Variants in CNPY3 observed in about 807,000 individuals in gnomAD.
CNPY3 encodes protein canopy homolog 3.
CNPY3 carries 20 observed loss-of-function variants against 32.0 expected under a neutral mutation model. That is an observed-to-expected ratio of 0.63 (90% CI 0.44 to 0.91). The LOEUF is 0.91. Among genes scored for constraint, CNPY3 ranks in the 40% least tolerant of loss-of-function variants. The pLI is 0.00. For missense variants in CNPY3, 299 were observed against 340.8 expected (o/e 0.88, Z 0.97); for synonymous variants, 138 against 142.9 (o/e 0.97, Z 0.24).
At chr6:42,937,357 C>A (rs1161183809) in intron 3 of CNPY3, among the ~76,000 whole-genome samples, 2 of 152,068 alleles carry the variant, frequency 1.3e-5, no homozygotes, top group Non-Finnish European at 2.9e-5. Context: ...AATCTCAGCA[C>A]TTTGGGAGGC....
chr6:42,934,726 C>T, intron 2 of CNPY3, 128 bp downstream of exon 2: 1 of 1,255,560 alleles, frequency 8.0e-7, no homozygotes, highest in Non-Finnish European at 1.1e-6. Flanking sequence ...CCTGAGTTTG[C>T]CCACTGATTC....
rs1768164400 is a variant in CNPY3 at position 42,935,603 on chromosome 6, C to CCATTT, written c.306_310dup (p.Cys104SerfsTer43). 2 of 1,611,772 alleles carry CCATTT rather than the reference C, an allele frequency of 1.2e-6. No homozygotes were observed. Among genetic ancestry groups the CCATTT allele is most frequent in the Non-Finnish European group, 1.7e-6 (2 of 1,178,180 alleles). The stretch of plus-strand genomic sequence containing the variant: ...TTGCGGTTAATCGAAGTCACTGAGA[C>CCATTT]CATTTGCAAGAGGCTCCTGGATTAT... On this transcript the variant is annotated frameshift_variant, in exon 3 of 6. Coordinates refer to ENST00000372836, the MANE Select transcript of CNPY3 (RefSeq NM_006586.5). LOFTEE classifies it high-confidence loss of function.
At position 42,934,419 on chromosome 6, in the gene CNPY3, TGGCCTCCCA is replaced by T. The variant is rs553908449; in HGVS notation, c.152-55_152-47del. ...CACCTGGATCTGTTTTGCTGGGAGCTGGCCTCCCATTAGACTCATGTGCACTCAGTGGGC... is the reference window on the plus strand; with the variant it reads ...CACCTGGATCTGTTTTGCTGGGAGCTTTAGACTCATGTGCACTCAGTGGGC... On this transcript the variant is annotated intron_variant, in intron 1 of 5. Coordinates refer to ENST00000372836, the MANE Select transcript of CNPY3 (RefSeq NM_006586.5). 81 of 1,604,752 alleles carry T rather than the reference TGGCCTCCCA, an allele frequency of 5.0e-5. No individual in the cohort carries two copies. In the East Asian group the frequency reaches 1.8e-3, roughly 35 times the overall value.
chr6:42,930,633 T>C (rs1767724611), intron 1 of CNPY3, among the ~76,000 whole-genome samples: 2 of 152,168 alleles, frequency 1.3e-5, no homozygotes, highest in African/African-American at 4.8e-5. Context: ...TCCTCAGACC[T>C]TACAGTCATG....
intron 1 of CNPY3, among the ~76,000 whole-genome samples, chr6:42,930,611 C>G (rs887459860): frequency 2.0e-5 from 3 of 152,194 alleles, no homozygotes; most frequent in Admixed American, 6.6e-5. Context: ...TCAACTCCGT[C>G]CCTTAGTTTT....
chr6:42,929,831 T>C, intron 1 of CNPY3, 110 bp downstream of exon 1: 1 of 1,287,528 alleles, frequency 7.8e-7, no homozygotes, highest in Admixed American at 2.8e-5. Context: ...GCAGGGTGTC[T>C]TCCTTCCTTG....
rs995251143 is a variant in CNPY3 at position 42,929,638 on chromosome 6, T to C, written c.68T>C (p.Leu23Pro). 8.4e-5 allele frequency: 131 copies of C among 1,555,830 alleles called. No homozygotes were observed. The highest frequency in any genetic ancestry group is 1.1e-4 in the Non-Finnish European group (126 of 1,150,898). ...LLLPLLLLLLLLLPAPELGPS... is the reference protein window; with the variant it reads ...LLLPLLLLLLPLLPAPELGPS... Reference sequence around the variant, plus strand: ...CTTCCCTTGCTGCTGCTGCTGCTGCTGCTGCTGCCGGCCCCGGAGCTGGGC... The same window carrying C: ...CTTCCCTTGCTGCTGCTGCTGCTGCCGCTGCTGCCGGCCCCGGAGCTGGGC... The change falls in exon 1 of 6, where the codon CTG (leucine) becomes CCG (proline). Residue 23 changes from leucine to proline, a missense_variant. Coordinates refer to ENST00000372836, the MANE Select transcript of CNPY3 (RefSeq NM_006586.5).
chr6:42,935,275 C>T (rs1768136445), intron 2 of CNPY3: 1 of 285,222 alleles, frequency 3.5e-6, no homozygotes, highest in Non-Finnish European at 5.3e-6. Context: ...ATCATCCTTT[C>T]AAAGAGAATG....
At chr6:42,937,597 G>A (rs754869265) in intron 3 of CNPY3, 120 bp from the exon 4 acceptor site, 7 of 1,046,824 alleles carry the variant, frequency 6.7e-6, no homozygotes, top group Non-Finnish European at 9.7e-6. Context: ...AAAAAAGGAT[G>A]AGGATCCTTA....
intron 1 of CNPY3, among the ~76,000 whole-genome samples, chr6:42,932,204 C>T (rs1767880295): frequency 6.6e-6 from 1 of 152,170 alleles, no homozygotes; most frequent in African/African-American, 2.4e-5. Flanking sequence ...CATTTGGTAA[C>T]TGATGAAGAT....
chr6:42,929,511 C>G lies in CNPY3; in HGVS notation c.-60C>G. On this transcript the variant is annotated 5_prime_UTR_variant, in exon 1 of 6. Coordinates refer to ENST00000372836, the MANE Select transcript of CNPY3 (RefSeq NM_006586.5). ...CCGGAAGCGGCGAGGGGAAACTGCT[C>G]CGCGCGCGCCGCGGGAGGAGGAACC... is the stretch of plus-strand genomic sequence containing the variant. 6.7e-7 allele frequency: 1 copy of G among 1,488,766 alleles called. No homozygotes were observed. The highest frequency in any genetic ancestry group is 9.0e-7 in the Non-Finnish European group (1 of 1,114,876). The allele number at this position is 1,488,766 out of a possible 1,614,324, so 92.2% of individuals were successfully genotyped here.
At chr6:42,929,198 A>C, upstream of CNPY3, 1 of 137,490 alleles carries the variant, frequency 7.3e-6, no homozygotes, top group South Asian at 2.0e-4. Context: ...CCAGGCCCAG[A>C]CGCAGGCTTC....
At chr6:42,935,868 C>G (rs1316832637) in intron 3 of CNPY3, among the ~76,000 whole-genome samples, 198 bp downstream of exon 3, 1 of 152,164 alleles carries the variant, frequency 6.6e-6, no homozygotes, top group Non-Finnish European at 1.5e-5. Flanking sequence ...GGGTCTGGGC[C>G]TGTTCATGAG....
chr6:42,929,561 C>G lies in CNPY3; in HGVS notation c.-10C>G, dbSNP rs773489793. The G allele has an allele frequency of 6.4e-7, 1 of 1,568,602 alleles. No individual in the cohort carries two copies. The highest frequency in any genetic ancestry group is 1.2e-5 in the South Asian group (1 of 86,780). On this transcript the variant is annotated 5_prime_UTR_variant, in exon 1 of 6. Transcript: ENST00000372836. ...CGCCCGGTCCTTTAGGGTCCGGGCC[C>G]GGCCGGGCCATGGATTCAATGCCTG...
Position 42,929,526 on chromosome 6 carries a change from G to T in CNPY3, c.-45G>T, listed in dbSNP as rs776701447. 46 of 1,513,354 alleles carry T rather than the reference G, an allele frequency of 3.0e-5. No homozygotes were observed. Among genetic ancestry groups the T allele is most frequent in the Non-Finnish European group, 4.0e-5 (45 of 1,128,146 alleles). The allele number at this position is 1,513,354 out of a possible 1,614,324, so 93.7% of individuals were successfully genotyped here. ...GGAAACTGCTCCGCGCGCGCCGCGG[G>T]AGGAGGAACCGCCCGGTCCTTTAGG... On this transcript the variant is annotated 5_prime_UTR_variant, in exon 1 of 6. Transcript: ENST00000372836.
At chr6:42,934,713 A>G (rs1768091317) in intron 2 of CNPY3, 115 bp downstream of exon 2, 2 of 1,434,132 alleles carry the variant, frequency 1.4e-6, no homozygotes, top group Non-Finnish European at 9.5e-7. Context: ...TTTGTAACCA[A>G]GACCTGAGTT....
rs1213678675 is a variant in CNPY3, at chr6:42,938,140, G to C, written c.546G>C (p.Arg182Ser). Residue 182 changes from arginine (R) to serine (S), a missense_variant, in exon 5 of 6, where the codon AGG becomes AGC. Arg to Ser is a moderately radical substitution (Grantham distance 110). Around this residue, in one of 2 missense-constraint regions of CNPY3, gnomAD observed 211 missense variants for 278.3 expected, o/e 0.76. Coordinates refer to ENST00000372836, the MANE Select transcript of CNPY3 (RefSeq NM_006586.5). ...EFEEVIEDWY[R>S]NHQEEDLTEF... ...AGGAGGTGATCGAGGACTGGTACAG[G>C]AACCACCAGGAGGAAGACCTGACTG... 2 of 1,614,142 alleles carry C rather than the reference G, an allele frequency of 1.2e-6. No individual in the cohort carries two copies. Among genetic ancestry groups the C allele is most frequent in the Admixed American group, 3.3e-5 (2 of 60,018 alleles).
At position 42,929,582 on chromosome 6, in the gene CNPY3, G is replaced by A. The variant is rs372019066; in HGVS notation, c.12G>A (p.Met4Ile). Residue 4 changes from methionine (M) to isoleucine (I), a missense_variant, in exon 1 of 6, where the codon ATG becomes ATA. Coordinates refer to ENST00000372836, the MANE Select transcript of CNPY3 (RefSeq NM_006586.5). MDS[M>I]PEPASRCLLL... ...GGCCCGGCCGGGCCATGGATTCAATGCCTGAGCCCGCGTCCCGCTGTCTTC... is the reference window on the plus strand; with the variant it reads ...GGCCCGGCCGGGCCATGGATTCAATACCTGAGCCCGCGTCCCGCTGTCTTC... The A allele has an allele frequency of 2.5e-6, 4 of 1,576,638 alleles. No individual in the cohort carries two copies. The highest frequency in any genetic ancestry group is 2.3e-5 in the East Asian group (1 of 43,636).
intron 1 of CNPY3, among the ~76,000 whole-genome samples, chr6:42,930,059 G>A (rs1386287072): frequency 6.6e-6 from 1 of 152,156 alleles, no homozygotes; most frequent in Admixed American, 6.5e-5. Context: ...GGGAGTCAAA[G>A]AGGGCTTCAT....
Sources: gnomAD v4.1 joint callset for allele counts (sites outside exome capture counted in the v4.1 genomes callset) on GRCh38, gnomAD v4.1.1 for gene constraint, gnomAD v4.1.1 regional missense constraint, MANE v1.5 for transcripts, NCBI Gene and HGNC (gene_info 2026-07-23, HGNC 2026-07-21) for gene names.